The following OTUB2 variants were observed in gnomAD, a reference collection of about 807,000 sequenced individuals.
OTUB2 encodes ubiquitin thioesterase OTUB2.
OTUB2 carries 21 observed loss-of-function variants against 25.1 expected under a neutral mutation model. The ratio of observed to expected loss-of-function variants is 0.84; its 90% CI spans 0.59 to 1.21. OTUB2 has a LOEUF of 1.21. OTUB2 is among the 50% of genes most tolerant of loss of function. OTUB2 has a pLI of 0.00. For synonymous variants in OTUB2, 122 were observed against 122.8 expected (o/e 0.99, Z 0.04); for missense variants, 283 against 298.0 (o/e 0.95, Z 0.37).
At chr14:94,027,234 C>G (rs1178157157) in intron 1 of OTUB2, among the ~76,000 whole-genome samples, 1 of 152,220 alleles carries the variant, frequency 6.6e-6, no homozygotes, top group Non-Finnish European at 1.5e-5. Context: ...TGAGGCCAGA[C>G]AGGGCAGGGC....
chr14:94,032,100 G>A (rs1371608322), intron 1 of OTUB2, among the ~76,000 whole-genome samples: 1 of 152,160 alleles, frequency 6.6e-6, no homozygotes, highest in East Asian at 1.9e-4. Context: ...GGGAGTGGCA[G>A]GGGACCAACT....
chr14:94,031,806 G>T (rs1884967977), intron 1 of OTUB2, among the ~76,000 whole-genome samples: 1 of 152,172 alleles, frequency 6.6e-6, no homozygotes, highest in Admixed American at 6.5e-5. Context: ...AGTGCTATCT[G>T]ACTTAATTAA....
chr14:94,036,817 A>G (rs544170721), intron 1 of OTUB2, among the ~76,000 whole-genome samples: 2 of 152,212 alleles, frequency 1.3e-5, no homozygotes, highest in East Asian at 1.9e-4. Context: ...TGGCATCTCC[A>G]TGTACCAGTG....
intron 5 of OTUB2, among the ~76,000 whole-genome samples, chr14:94,045,178 C>T (rs1008447404): frequency 3.9e-5 from 6 of 152,300 alleles, no homozygotes; most frequent in Admixed American, 3.9e-4. Flanking sequence ...GTACAGCCCC[C>T]AGGTCCTTGC....
intron 3 of OTUB2, among the ~76,000 whole-genome samples, chr14:94,041,363 C>T (rs1051938962): frequency 6.6e-6 from 1 of 151,964 alleles, no homozygotes; most frequent in Non-Finnish European, 1.5e-5. Context: ...ATAAGGCTGG[C>T]GTTCAGCAGG....
intron 5 of OTUB2, 146 bp downstream of exon 5, chr14:94,044,926 C>A: frequency 1.2e-6 from 1 of 814,112 alleles, no homozygotes; most frequent in Non-Finnish European, 1.9e-6. Context: ...AAGCTGCAGA[C>A]AGGTCCCACC....
intron 1 of OTUB2, among the ~76,000 whole-genome samples, chr14:94,032,116 G>A (rs186101728): frequency 6.6e-5 from 10 of 152,260 alleles, no homozygotes; most frequent in Admixed American, 2.0e-4. Flanking sequence ...CAACTTCGGC[G>A]GACTTGGGTC....
chr14:94,030,481 C>T (rs1884938768), intron 1 of OTUB2, among the ~76,000 whole-genome samples: 2 of 151,956 alleles, frequency 1.3e-5, no homozygotes, highest in East Asian at 1.9e-4. Context: ...GATCTGAGGG[C>T]CTGTTGGGAG....
chr14:94,034,656 C>T (rs1175959768), intron 1 of OTUB2, among the ~76,000 whole-genome samples: 1 of 152,210 alleles, frequency 6.6e-6, no homozygotes, highest in Non-Finnish European at 1.5e-5. Flanking sequence ...AATAATGGCA[C>T]CTGTTATCAC....
rs375445721 is a variant in OTUB2, at chr14:94,045,736, G to C, written c.519G>C (p.Thr173=). The part of the protein sequence containing the change: ...FCTHEVEPMA[T]ECDHIQITAL... ...TGCAGGAAGTAGAGCCCATGGCCAC[G>C]GAGTGTGACCACATCCAGATCACGG... The change falls in exon 6 of 6, where the codon ACG becomes ACC. Residue 173 remains threonine (T), a synonymous_variant. Coordinates refer to ENST00000203664, the MANE Select transcript of OTUB2 (RefSeq NM_023112.4). 6 of 1,614,140 alleles carry C rather than the reference G, an allele frequency of 3.7e-6. No individual in the cohort carries two copies. In the East Asian group the frequency reaches 6.7e-5, roughly 18 times the overall value.
At position 94,037,405 on chromosome 14, in the gene OTUB2, C is replaced by T; in HGVS notation, c.29C>T (p.Ser10Leu). MSETSFNLISEKCDILSILR... is the reference protein window; with the variant it reads MSETSFNLILEKCDILSILR... The stretch of plus-strand genomic sequence containing the variant: ...AGTGAAACATCTTTCAACCTAATAT[C>T]AGAAAAATGTGACATTCTATCCATT... The change falls in exon 2 of 6, where the codon TCA becomes TTA. Residue 10 changes from serine (S) to leucine (L), a missense_variant. Ser to Leu is a moderately radical substitution (Grantham distance 145). Coordinates refer to ENST00000203664, the MANE Select transcript of OTUB2 (RefSeq NM_023112.4). 6.3e-7 allele frequency: 1 copy of T among 1,598,790 alleles called. No homozygotes were observed. The highest frequency in any genetic ancestry group is 2.2e-5 in the East Asian group (1 of 44,758).
rs1389620760 is a variant in OTUB2 at position 94,045,714 on chromosome 14, A to G, written c.499-2A>G. 4 of 1,613,868 alleles carry G rather than the reference A, an allele frequency of 2.5e-6. No homozygotes were observed. Among genetic ancestry groups the G allele is most frequent in the African/African-American group, 2.7e-5 (2 of 75,048 alleles). ...GGCTTGTTTTCATTTTGGCCCCTGC[A>G]GGAAGTAGAGCCCATGGCCACGGAG... is the stretch of plus-strand genomic sequence containing the variant. On this transcript the variant is annotated splice_acceptor_variant, in intron 5 of 5. Coordinates refer to ENST00000203664, the MANE Select transcript of OTUB2 (RefSeq NM_023112.4). LOFTEE classifies it high-confidence loss of function.
intron 5 of OTUB2, 145 bp from the exon 6 acceptor site, chr14:94,045,571 G>A (rs1409628144): frequency 5.4e-6 from 4 of 737,696 alleles, no homozygotes; most frequent in South Asian, 1.8e-5. Flanking sequence ...GCATGAGAAC[G>A]TCCATACCCA....
intron 4 of OTUB2, 122 bp downstream of exon 4, chr14:94,044,177 C>A: frequency 1.9e-6 from 2 of 1,033,168 alleles, no homozygotes; most frequent in Non-Finnish European, 3.0e-6. Context: ...GGGTTCCTTC[C>A]TGCTTGTGGG....
chr14:94,029,480 C>T (rs1054135563), intron 1 of OTUB2, among the ~76,000 whole-genome samples: 1 of 152,212 alleles, frequency 6.6e-6, no homozygotes, highest in Non-Finnish European at 1.5e-5. Flanking sequence ...GGTTGCAGAA[C>T]TTTGATCTTC....
At chr14:94,027,559 G>A (rs1357626490) in intron 1 of OTUB2, among the ~76,000 whole-genome samples, 1 of 152,260 alleles carries the variant, frequency 6.6e-6, no homozygotes, top group African/African-American at 2.4e-5. Flanking sequence ...TGGGAACCAT[G>A]TGATATGATT....
At chr14:94,032,489 G>C (rs543149788) in intron 1 of OTUB2, among the ~76,000 whole-genome samples, 4 of 152,056 alleles carry the variant, frequency 2.6e-5, no homozygotes, top group African/African-American at 4.8e-5. Flanking sequence ...CCAGAGACTG[G>C]GGGCAAGGGG....
chr14:94,033,063 C>G (rs1285560032), intron 1 of OTUB2, among the ~76,000 whole-genome samples: 2 of 152,180 alleles, frequency 1.3e-5, no homozygotes, highest in African/African-American at 2.4e-5. Context: ...AGGTGCCCAC[C>G]ACCACACCCG....
chr14:94,041,364 G>A (rs917411775), intron 3 of OTUB2, among the ~76,000 whole-genome samples: 5 of 152,020 alleles, frequency 3.3e-5, no homozygotes, highest in South Asian at 2.1e-4. Context: ...TAAGGCTGGC[G>A]TTCAGCAGGC....
Sources: gnomAD v4.1 joint callset for allele counts (sites outside exome capture counted in the v4.1 genomes callset) on GRCh38, gnomAD v4.1.1 for gene constraint, MANE v1.5 for transcripts, NCBI Gene and HGNC (gene_info 2026-07-23, HGNC 2026-07-21) for gene names.